The following ADCY8 variants were observed in gnomAD, a reference collection of about 807,000 sequenced individuals.
ADCY8 encodes the protein adenylate cyclase type 8.
A neutral mutation model predicts 119.7 loss-of-function variants in ADCY8; 51 were observed. The observed-to-expected ratio is 0.43, with a 90% confidence interval of 0.34 to 0.54. The LOEUF (loss-of-function observed/expected upper bound fraction) is 0.54. Ranked by LOEUF, ADCY8 falls within the 20% of genes least tolerant of loss-of-function variation. The probability of loss-of-function intolerance (pLI) is 0.03; values close to 1 mark genes in which losing one functional copy is unlikely to be tolerated. For missense variants in ADCY8, 1,383 were observed against 1,598.8 expected, an observed-to-expected ratio of 0.87 and a Z score of 2.30; for synonymous variants, 665 against 651.0, an observed-to-expected ratio of 1.02 and a Z score of -0.33.
At chr8:130,959,046 T>A (rs1353797236) in intron 2 of ADCY8, among the ~76,000 whole-genome samples, 1 of 152,220 alleles carries the variant, frequency 6.6e-6, no homozygotes, top group East Asian at 1.9e-4. Flanking sequence ...ATTTAACTGA[T>A]CCTTGTCTTT....
At chr8:130,960,339 T>C (rs1007394208) in intron 2 of ADCY8, among the ~76,000 whole-genome samples, 2 of 152,176 alleles carry the variant, frequency 1.3e-5, no homozygotes, top group African/African-American at 4.8e-5. Context: ...CTTACTTCTG[T>C]CCATGTAGAC....
chr8:130,890,603 A>C (rs1481841911), intron 7 of ADCY8, among the ~76,000 whole-genome samples: 1 of 152,196 alleles, frequency 6.6e-6, no homozygotes, highest in Non-Finnish European at 1.5e-5. Context: ...GCCAAGAGCA[A>C]GGGCCTTTAA....
At chr8:130,827,115 G>A (rs1020505821) in intron 12 of ADCY8, among the ~76,000 whole-genome samples, 9 of 152,208 alleles carry the variant, frequency 5.9e-5, no homozygotes, top group African/African-American at 2.2e-4. Flanking sequence ...TTCTGCGGAA[G>A]CAGATGAGTA....
rs191227288 is a variant in ADCY8 at position 130,987,426 on chromosome 8, C to G, written c.1110+2967G>C. On this transcript the variant is annotated intron_variant, in intron 2 of 17. Transcript: ENST00000286355. ...CCATTGCTCAGCAGAGCTCCTGACA[C>G]ATAATAAACCCTCCATAAAGAAATT... Among the ~76,000 whole-genome samples the G allele has an allele frequency of 6.8e-4, 103 of 152,158 alleles. 2 individuals are homozygous for G. The South Asian group carries it at 0.02, about 30-fold the overall frequency.
intron 1 of ADCY8, among the ~76,000 whole-genome samples, chr8:131,003,635 A>T (rs1366741509): frequency 8.8e-6 from 1 of 113,574 alleles, no homozygotes; most frequent in East Asian, 3.3e-4. Context: ...GCTTGGGCTT[A>T]TTAGCTCCAT....
chr8:131,006,007 C>T (rs1823104863), intron 1 of ADCY8, among the ~76,000 whole-genome samples: 1 of 151,996 alleles, frequency 6.6e-6, no homozygotes, highest in Non-Finnish European at 1.5e-5. Flanking sequence ...CTCCCTGCTC[C>T]CACTCCAAAT....
chr8:130,811,895 C>A (rs924670846), intron 14 of ADCY8, among the ~76,000 whole-genome samples: 16 of 152,324 alleles, frequency 1.1e-4, no homozygotes, highest in African/African-American at 3.8e-4. Context: ...AAGACCAAAC[C>A]CATTCACATA....
At chr8:131,028,204 A>C (rs943312070) in intron 1 of ADCY8, among the ~76,000 whole-genome samples, 1 of 152,236 alleles carries the variant, frequency 6.6e-6, no homozygotes, top group Admixed American at 6.5e-5. Flanking sequence ...TGTGTTTTCT[A>C]TGTTTTTAAG....
intron 5 of ADCY8, among the ~76,000 whole-genome samples, chr8:130,926,984 C>G (rs1586578326): frequency 6.7e-6 from 1 of 148,820 alleles, no homozygotes. Context: ...TTTTCTTTAT[C>G]CATTTCATCC....
At chr8:130,984,304 A>G (rs1023308312) in intron 2 of ADCY8, among the ~76,000 whole-genome samples, 2 of 152,260 alleles carry the variant, frequency 1.3e-5, no homozygotes, top group Middle Eastern at 3.4e-3. Context: ...CCCGACAGAA[A>G]GGTCTGGAGA....
At chr8:130,924,608 C>T (rs6470861) in intron 5 of ADCY8, among the ~76,000 whole-genome samples, 1 of 151,952 alleles carries the variant, frequency 6.6e-6, no homozygotes, top group Non-Finnish European at 1.5e-5. Flanking sequence ...CCTGAGACAC[C>T]GTACCATCCC....
At chr8:130,822,535 A>AATCCATCCATCCATCC (rs145398330) in intron 12 of ADCY8, among the ~76,000 whole-genome samples, 3 of 139,664 alleles carry the variant, frequency 2.1e-5, no homozygotes, top group East Asian at 4.3e-4. Flanking sequence ...TGAATCCATG[A>AATCCATCCATCCATCC]ATCCATCCAT....
chr8:130,843,064 T>A (rs1408537873), intron 11 of ADCY8, among the ~76,000 whole-genome samples: 1 of 152,130 alleles, frequency 6.6e-6, no homozygotes, highest in East Asian at 1.9e-4. Flanking sequence ...CTATACATAT[T>A]CTTGAAATTT....
At chr8:130,862,543 G>A (rs1282367062) in intron 9 of ADCY8, among the ~76,000 whole-genome samples, 1 of 152,106 alleles carries the variant, frequency 6.6e-6, no homozygotes. Flanking sequence ...CTCCCAAGTA[G>A]TTGGGACTAC....
chr8:130,780,448 G>T lies in ADCY8; in HGVS notation c.3698C>A (p.Pro1233His), dbSNP rs1472650976. 2.5e-6 allele frequency: 4 copies of T among 1,613,380 alleles called. No homozygotes were observed. The highest frequency in any genetic ancestry group is 1.3e-5 in the African/African-American group (1 of 74,730). ...CTGGGCTCCAGGCTCTGTGCCGCTG[G>T]GTGACAACAAAGTCCGCCGGTTGTA... ...GHYNRRTLLS[P>H]SGTEPGAQAE... Residue 1233 changes from proline (P) to histidine (H), a missense_variant, in exon 18 of 18, where the codon CCC becomes CAC. Pro to His is a moderately conservative substitution (Grantham distance 77). Coordinates refer to ENST00000286355, the MANE Select transcript of ADCY8 (RefSeq NM_001115.3).
At chr8:130,795,446 C>T (rs116289379) in intron 15 of ADCY8, among the ~76,000 whole-genome samples, 1,645 of 152,316 alleles carry the variant, frequency 0.011, 33 homozygotes, top group African/African-American at 0.037. Context: ...TGCACACTCG[C>T]GAAGCCGACC....
rs58781726 is a variant in ADCY8 at position 130,810,347 on chromosome 8, T to TACACACACACACACACAC, written c.2913+3704_2913+3721dup. On this transcript the variant is annotated intron_variant, in intron 14 of 17. Coordinates refer to ENST00000286355, the MANE Select transcript of ADCY8 (RefSeq NM_001115.3). Reference sequence around the variant, plus strand: ...ATGACTCTGTCTTTCTCTCTTTTTCTACACACACACACACACACACACACA... The same window carrying TACACACACACACACACAC: ...ATGACTCTGTCTTTCTCTCTTTTTCTACACACACACACACACACACACACACACACACACACACACACA... Among the ~76,000 whole-genome samples, 8 of 142,752 alleles carry TACACACACACACACACAC rather than the reference T, an allele frequency of 5.6e-5. No homozygotes were observed. The East Asian group carries it at 8.3e-4, about 15-fold the overall frequency. The allele number at this position is 142,752 out of a possible 152,430, so 93.7% of individuals were successfully genotyped here. A position where few individuals can be genotyped will look rare whatever the true frequency, so the allele number is the denominator to read the frequency against.
rs1021879558 is a variant in ADCY8 at position 130,924,771 on chromosome 8, T to C, written c.1481+12302A>G. Among the ~76,000 whole-genome samples, 5 of 152,196 alleles carry C rather than the reference T, an allele frequency of 3.3e-5. No individual in the cohort carries two copies. In the South Asian group the frequency reaches 6.2e-4, roughly 19 times the overall value. ...CATTCTCATTGTTGCTCTAAACTAGTCTGATTTGTCCATGCTGCAGACATA... is the reference window on the plus strand; with the variant it reads ...CATTCTCATTGTTGCTCTAAACTAGCCTGATTTGTCCATGCTGCAGACATA... On this transcript the variant is annotated intron_variant, in intron 5 of 17. Coordinates refer to ENST00000286355, the MANE Select transcript of ADCY8 (RefSeq NM_001115.3).
At chr8:130,890,769 C>G (rs1819158323) in intron 7 of ADCY8, among the ~76,000 whole-genome samples, 1 of 152,128 alleles carries the variant, frequency 6.6e-6, no homozygotes, top group African/African-American at 2.4e-5. Context: ...GGGACCAGCA[C>G]CTGGGCTAAC....
Sources: allele counts gnomAD v4.1 joint callset (sites outside exome capture counted in the v4.1 genomes callset), GRCh38; gene constraint gnomAD v4.1.1; transcripts MANE v1.5; gene names NCBI Gene and HGNC (gene_info 2026-07-23, HGNC 2026-07-21).